Variants in COL16A1 observed in about 807,000 individuals in gnomAD.
COL16A1 encodes collagen type XVI alpha 1 chain.
In COL16A1, 189 loss-of-function variants were observed where a neutral mutation model predicts 266.3. That is an observed-to-expected ratio of 0.71 (90% CI 0.63 to 0.80). COL16A1 has a LOEUF of 0.80. COL16A1 is among the 30% of genes least tolerant of loss of function. The pLI is 0.00. For missense variants in COL16A1, 1,928 were observed against 2,122.4 expected (o/e 0.91, Z 1.80); for synonymous variants, 740 against 782.3 (o/e 0.95, Z 0.90).
chr1:31,697,960 C>T lies in COL16A1; in HGVS notation c.603G>A (p.Arg201=), dbSNP rs1452530018. The T allele has an allele frequency of 1.2e-6, 2 of 1,613,330 alleles. No homozygotes were observed. The highest frequency in any genetic ancestry group is 1.7e-6 in the Non-Finnish European group (2 of 1,180,020). The part of the protein sequence containing the change: ...SQPLGPRRPM[R]PVGHVFLGLD... The stretch of plus-strand genomic sequence containing the variant: ...AGCCTAGAAATACATGGCCCACAGG[C>T]CTCATGGGTCGTCGGGGCCCCAGAG... Residue 201 remains arginine, a synonymous_variant, in exon 6 of 71, where the codon AGG becomes AGA. Transcript: ENST00000373672. The surrounding 1 kb of genome is among the most constrained non-coding windows in gnomAD (Gnocchi z 4.2).
Position 31,663,046 on chromosome 1 carries a change from C to T in COL16A1, c.3556-388G>A, listed in dbSNP as rs957371697. ...CCCTGCCTCCTCCCCACCTACCTCC[C>T]TACCTTTCCCCCCATCCCAGCAGAC... On this transcript the variant is annotated intron_variant, in intron 56 of 70. Transcript: ENST00000373672. This position sits in a 1 kb window ranked among gnomAD's most constrained non-coding sequence, Gnocchi z 4.9. 5 of 281,120 alleles carry T rather than the reference C, an allele frequency of 1.8e-5. No homozygotes were observed. The highest frequency in any genetic ancestry group is 8.8e-5 in the African/African-American group (4 of 45,658). The allele number at this position is 281,120 out of a possible 1,614,324, so 17.4% of individuals were successfully genotyped here.
At chr1:31,682,159 G>A (rs1643692192) in intron 37 of COL16A1, among the ~76,000 whole-genome samples, 1 of 152,222 alleles carries the variant, frequency 6.6e-6, no homozygotes, top group Non-Finnish European at 1.5e-5. Flanking sequence ...GCGGGTTCAT[G>A]TGGAGTAGAA....
rs372126181 is a variant in COL16A1, at chr1:31,674,929, C to G, written c.2859+78G>C. 21 of 1,576,796 alleles carry G rather than the reference C, an allele frequency of 1.3e-5. No individual in the cohort carries two copies. In the African/African-American group the frequency reaches 2.4e-4, roughly 18 times the overall value. On this transcript the variant is annotated intron_variant, in intron 44 of 70. Coordinates refer to ENST00000373672, the MANE Select transcript of COL16A1 (RefSeq NM_001856.4). ...GCTGCTCTCTCTGCGAGGTGCCACA[C>G]AGCTGAGCACTTACTAAGAGAATCC...
At position 31,689,840 on chromosome 1, in the gene COL16A1, A is replaced by G; in HGVS notation, c.1521T>C (p.Cys507=). Residue 507 remains cysteine (C), a synonymous_variant, in exon 23 of 71, where the codon TGT becomes TGC. Transcript: ENST00000373672. ...PGVKGEKGDP[C]EVCPTLPEGF... ...CTTCAGGCAGTGTTGGGCACACTTC[A>G]CAGGGGTCACCCTAGCAGAAGGGAG... 1 of 1,614,008 alleles carries G rather than the reference A, an allele frequency of 6.2e-7. No individual in the cohort carries two copies. The highest frequency in any genetic ancestry group is 8.5e-7 in the Non-Finnish European group (1 of 1,179,930).
Position 31,670,584 on chromosome 1 carries a change from G to A in COL16A1, c.3195+18C>T, listed in dbSNP as rs1304456716. ...GCTGACGGGGGGGAGGGGAGGTCGA[G>A]CAGCGCTAGGTTCTTACAGGCAATC... On this transcript the variant is annotated intron_variant, in intron 49 of 70. Coordinates refer to ENST00000373672, the MANE Select transcript of COL16A1 (RefSeq NM_001856.4). This position sits in a 1 kb window ranked among gnomAD's most constrained non-coding sequence, Gnocchi z 4.5. 2 of 1,376,366 alleles carry A rather than the reference G, an allele frequency of 1.5e-6. No individual in the cohort carries two copies. The highest frequency in any genetic ancestry group is 1.8e-5 in the South Asian group (1 of 55,664). The allele number at this position is 1,376,366 out of a possible 1,614,324, so 85.3% of individuals were successfully genotyped here.
chr1:31,700,144 G>C, intron 2 of COL16A1, 29 bp from the exon 3 acceptor site: 1 of 1,611,106 alleles, frequency 6.2e-7, no homozygotes, highest in Non-Finnish European at 8.5e-7. Context: ...GGGGGCATTA[G>C]GTGCGCTCAG....
At chr1:31,686,578 G>C (rs550363125) in intron 26 of COL16A1, among the ~76,000 whole-genome samples, 1 of 152,360 alleles carries the variant, frequency 6.6e-6, no homozygotes, top group East Asian at 1.9e-4. Context: ...ACCTTTACAG[G>C]CGGAGCACTG....
Position 31,701,286 on chromosome 1 carries a change from T to TC in COL16A1, c.73+834dup, listed in dbSNP as rs987884804. ...ACAGATGTTGAAATTATCTGCCCCA[T>TC]CCCCCCCAGGGGACCCAGTGAGGGA... On this transcript the variant is annotated intron_variant, in intron 2 of 70. Transcript: ENST00000373672. The TC allele has an allele frequency of 7.1e-4, 698 of 982,106 alleles. 2 individuals are homozygous for TC. In the African/African-American group the frequency reaches 0.011, roughly 16 times the overall value. The allele number at this position is 982,106 out of a possible 1,614,324, so 60.8% of individuals were successfully genotyped here.
chr1:31,652,527 AT>A lies in COL16A1; in HGVS notation c.*123del, dbSNP rs1265270755. On this transcript the variant is annotated 3_prime_UTR_variant, in exon 71 of 71. Transcript: ENST00000373672. The surrounding 1 kb of genome is among the most constrained non-coding windows in gnomAD (Gnocchi z 4.8). ...GTTTTGTTTCTTTATTATTTAAAAAATATTAACAGCAATTAAAAACAACAAC... is the reference window on the plus strand; with the variant it reads ...GTTTTGTTTCTTTATTATTTAAAAAAATTAACAGCAATTAAAAACAACAAC... The A allele has an allele frequency of 2.4e-5, 28 of 1,143,846 alleles. No homozygotes were observed. Among genetic ancestry groups the A allele is most frequent in the Non-Finnish European group, 3.1e-5 (27 of 863,584 alleles). 70.9% of individuals were successfully genotyped at this position (1,143,846 alleles called of 1,614,324 possible). A position where few individuals can be genotyped will look rare whatever the true frequency, so the allele number is the denominator to read the frequency against.
intron 39 of COL16A1, 91 bp downstream of exon 39, chr1:31,680,814 C>G: frequency 6.2e-7 from 1 of 1,601,872 alleles, no homozygotes; most frequent in Non-Finnish European, 8.5e-7. Flanking sequence ...GCTGGAGGGG[C>G]TGCTAATCCC....
At position 31,667,624 on chromosome 1, in the gene COL16A1, A is replaced by G; in HGVS notation, c.3308T>C (p.Ile1103Thr). Residue 1103 changes from isoleucine to threonine, a missense_variant, in exon 52 of 71, where the codon ATC becomes ACC. By Grantham distance (89) the Ile-to-Thr change is moderately conservative. Coordinates refer to ENST00000373672, the MANE Select transcript of COL16A1 (RefSeq NM_001856.4). ...GATGPPGLPG[I>T]KGERGYTGSA... ...CCCGGTGTAGCCACGCTCCCCCTTG[A>G]TGCCCTGACAAGTGGCAAAGAGACA... 6.2e-7 allele frequency: 1 copy of G among 1,605,692 alleles called. No homozygotes were observed. Among genetic ancestry groups the G allele is most frequent in the South Asian group, 1.1e-5 (1 of 89,300 alleles).
chr1:31,662,994 G>T, intron 56 of COL16A1: 3 of 416,916 alleles, frequency 7.2e-6, no homozygotes, highest in Non-Finnish European at 1.3e-5. Flanking sequence ...TGTGAAAGCT[G>T]CCTGTTGTAT....
At chr1:31,653,409 TACTG>T (rs1275076731) in intron 70 of COL16A1, 186 bp downstream of exon 70, 1 of 630,366 alleles carries the variant, frequency 1.6e-6, no homozygotes, top group Non-Finnish European at 2.7e-6. Context: ...TAAGGACAGG[TACTG>T]AGTCTTCCGC....
intron 31 of COL16A1, 122 bp downstream of exon 31, chr1:31,684,401 G>A (rs539709630): frequency 1.3e-5 from 20 of 1,505,132 alleles, no homozygotes; most frequent in Admixed American, 1.1e-4. Flanking sequence ...AGGAGCCTCC[G>A]CTCAGTGACT....
chr1:31,668,557 G>T lies in COL16A1; in HGVS notation c.3249+245C>A, dbSNP rs1231153231. ...GGGAGGGAGGGGAGCCCCCAGGGACGCTGCTGGAGGACAGGGGCTGTGCAT... is the reference window on the plus strand; with the variant it reads ...GGGAGGGAGGGGAGCCCCCAGGGACTCTGCTGGAGGACAGGGGCTGTGCAT... On this transcript the variant is annotated intron_variant, in intron 50 of 70. Coordinates refer to ENST00000373672, the MANE Select transcript of COL16A1 (RefSeq NM_001856.4). This position sits in a 1 kb window ranked among gnomAD's most constrained non-coding sequence, Gnocchi z 5.8. 6.6e-6 allele frequency among the ~76,000 whole-genome samples: 1 copy of T among 152,174 alleles called. No homozygotes were observed.
Position 31,672,441 on chromosome 1 carries a change from C to T in COL16A1, c.3080G>A (p.Gly1027Glu). 2.5e-6 allele frequency: 4 copies of T among 1,614,196 alleles called. No individual in the cohort carries two copies. Among genetic ancestry groups the T allele is most frequent in the Non-Finnish European group, 2.5e-6 (3 of 1,180,018 alleles). ...VGSPGLPGPP[G>E]LPGQRGEEGP... ...CTCTTCTCCTCTCTGGCCTGGCAATCCCGGAGGACCAGGTAGGCCTGGGCT... is the reference window on the plus strand; with the variant it reads ...CTCTTCTCCTCTCTGGCCTGGCAATTCCGGAGGACCAGGTAGGCCTGGGCT... The change falls in exon 47 of 71, where the codon GGA becomes GAA. Residue 1027 changes from glycine to glutamate, a missense_variant. Around this residue, in one of 2 missense-constraint regions of COL16A1, gnomAD observed 1,552 missense variants for 1,637.2 expected, o/e 0.95. Transcript: ENST00000373672.
Position 31,683,369 on chromosome 1 carries a change from C to T in COL16A1, c.2380G>A (p.Gly794Arg). 6.2e-7 allele frequency: 1 copy of T among 1,614,110 alleles called. No homozygotes were observed. Among genetic ancestry groups the T allele is most frequent in the Non-Finnish European group, 8.5e-7 (1 of 1,180,046 alleles). The change falls in exon 35 of 71, where the codon GGG becomes AGG. Residue 794 changes from glycine to arginine, a missense_variant and splice_region_variant. Physicochemically the swap from Gly to Arg is moderately radical, Grantham distance 125 (BLOSUM62 -2). Transcript: ENST00000373672. ...GGCAAACCCGGGGCTCCAGGCTCCC[C>T]CTGCAAGTCAGAAAGGGCAGACTAG... ...PPGRGVQGPQ[G>R]EPGAPGLPGI... is the part of the protein sequence containing the mutation.
At chr1:31,684,397 C>T (rs1165761059) in intron 31 of COL16A1, 126 bp downstream of exon 31, 2 of 1,501,606 alleles carry the variant, frequency 1.3e-6, no homozygotes, top group African/African-American at 2.8e-5. Flanking sequence ...CCCGAGGAGC[C>T]TCCGCTCAGT....
chr1:31,679,772 C>T (rs1195021267), intron 41 of COL16A1, 32 bp downstream of exon 41: 3 of 1,585,888 alleles, frequency 1.9e-6, no homozygotes, highest in Admixed American at 3.5e-5. Flanking sequence ...AGCCGCGGGG[C>T]GCTGGCGGAC....
Sources: allele counts gnomAD v4.1 joint callset (sites outside exome capture counted in the v4.1 genomes callset), GRCh38; gene constraint gnomAD v4.1.1; regional missense constraint gnomAD v4.1.1; non-coding constraint Gnocchi (gnomAD v3.1); transcripts MANE v1.5; gene names NCBI Gene and HGNC (gene_info 2026-07-23, HGNC 2026-07-21).